Variants in EXOC4 observed in about 807,000 individuals in gnomAD.
EXOC4 encodes the protein SEC8-like 1.
In EXOC4, 71 loss-of-function variants were observed where a neutral mutation model predicts 107.2. That is an observed-to-expected ratio of 0.66 (90% CI 0.55 to 0.81). The LOEUF is 0.81. EXOC4 is among the 30% of genes least tolerant of loss of function. The pLI is 0.00. For synonymous variants in EXOC4, 456 were observed against 441.2 expected (o/e 1.03, Z -0.42); for missense variants, 1,108 against 1,189.6 (o/e 0.93, Z 1.01).
At chr7:134,005,113 G>C in intron 16 of EXOC4, 23 bp downstream of exon 16, 1 of 1,590,330 alleles carries the variant, frequency 6.3e-7, no homozygotes, top group Non-Finnish European at 8.6e-7. Context: ...TTCTGTCTCT[G>C]GGAGTTTGGG....
At chr7:134,049,934 C>T (rs1304871989) in intron 17 of EXOC4, among the ~76,000 whole-genome samples, 2 of 152,154 alleles carry the variant, frequency 1.3e-5, no homozygotes, top group African/African-American at 4.8e-5. Flanking sequence ...TTAATAAATA[C>T]TAATAATGGT....
rs112776262 is a variant in EXOC4, at chr7:133,726,247, G to A, written c.1515-91078G>A. ...CTTCAGTATGTGGTAAAACACATAC[G>A]GAAAACTGAGAAAAGAAGACTGCAG... is the stretch of plus-strand genomic sequence containing the variant. On this transcript the variant is annotated intron_variant, in intron 10 of 17. Transcript: ENST00000253861. 4.7e-3 allele frequency among the ~76,000 whole-genome samples: 713 copies of A among 152,252 alleles called. 3 individuals are homozygous for A. The highest frequency in any genetic ancestry group is 7.5e-3 in the Non-Finnish European group (513 of 68,012).
intron 9 of EXOC4, among the ~76,000 whole-genome samples, chr7:133,604,588 A>G (rs1308354032): frequency 6.6e-6 from 1 of 151,864 alleles, no homozygotes; most frequent in African/African-American, 2.4e-5. Context: ...CTGTAATTAA[A>G]ATGATCTTTT....
intron 11 of EXOC4, among the ~76,000 whole-genome samples, chr7:133,820,849 C>A (rs1395413964): frequency 6.6e-6 from 1 of 152,162 alleles, no homozygotes; most frequent in Admixed American, 6.5e-5. Context: ...AAGAGAACCC[C>A]AGGACACTTT....
chr7:133,985,419 C>T (rs1252141106), intron 14 of EXOC4, among the ~76,000 whole-genome samples: 1 of 152,160 alleles, frequency 6.6e-6, no homozygotes, highest in Non-Finnish European at 1.5e-5. Context: ...TCCACAAGCC[C>T]AGCTGCTGAA....
chr7:133,350,882 A>G (rs1469722614), intron 5 of EXOC4, among the ~76,000 whole-genome samples: 2 of 151,942 alleles, frequency 1.3e-5, no homozygotes, highest in East Asian at 1.9e-4. Flanking sequence ...TAATTTAGCA[A>G]CAATTTCATA....
At chr7:133,298,826 T>A (rs1794579802) in intron 3 of EXOC4, among the ~76,000 whole-genome samples, 1 of 152,214 alleles carries the variant, frequency 6.6e-6, no homozygotes, top group Non-Finnish European at 1.5e-5. Flanking sequence ...ATTATAACTG[T>A]TTTGTGTTAC....
chr7:133,789,364 CTT>C (rs1796656145), intron 10 of EXOC4, among the ~76,000 whole-genome samples: 2 of 152,164 alleles, frequency 1.3e-5, no homozygotes, highest in Admixed American at 1.3e-4. Flanking sequence ...GCTGATGTTT[CTT>C]GAGTTCTATG....
chr7:133,295,716 C>T (rs1563006707), intron 3 of EXOC4, among the ~76,000 whole-genome samples: 1 of 152,104 alleles, frequency 6.6e-6, no homozygotes, highest in Non-Finnish European at 1.5e-5. Flanking sequence ...CTTATTTTCT[C>T]TTCTTTATGC....
At chr7:133,547,280 T>G (rs932726452) in intron 9 of EXOC4, among the ~76,000 whole-genome samples, 3 of 152,224 alleles carry the variant, frequency 2.0e-5, no homozygotes, top group African/African-American at 7.2e-5. Context: ...AATATATATC[T>G]TAATTTATTG....
intron 9 of EXOC4, among the ~76,000 whole-genome samples, chr7:133,592,253 A>T (rs138732966): frequency 1.4e-3 from 220 of 152,106 alleles, no homozygotes; most frequent in Non-Finnish European, 2.5e-3. Context: ...TTCTGTATAG[A>T]TGGGGTCTTG....
intron 9 of EXOC4, among the ~76,000 whole-genome samples, chr7:133,579,490 T>C (rs1016687136): frequency 2.6e-5 from 4 of 152,160 alleles, no homozygotes; most frequent in African/African-American, 9.7e-5. Flanking sequence ...AATTGACTTT[T>C]AGACTTAAAA....
rs1381342832 is a variant in EXOC4, at chr7:133,859,465, C to T, written c.1735-36134C>T. Among the ~76,000 whole-genome samples, 3 of 152,156 alleles carry T rather than the reference C, an allele frequency of 2.0e-5. No homozygotes were observed. The East Asian group carries it at 5.8e-4, about 29-fold the overall frequency. On this transcript the variant is annotated intron_variant, in intron 11 of 17. Transcript: ENST00000253861. ...GATGAGTGTCTCTTGGATCCTGGTA[C>T]CCACACTGGAACTGCTGCAGCGCCT...
At chr7:133,709,895 A>C (rs1240893651) in intron 10 of EXOC4, among the ~76,000 whole-genome samples, 1 of 152,200 alleles carries the variant, frequency 6.6e-6, no homozygotes, top group Non-Finnish European at 1.5e-5. Flanking sequence ...TGTAGGCATT[A>C]GCTAGACTGC....
At chr7:133,584,825 C>T (rs539407446) in intron 9 of EXOC4, among the ~76,000 whole-genome samples, 2 of 152,152 alleles carry the variant, frequency 1.3e-5, no homozygotes, top group South Asian at 2.1e-4. Context: ...GCGATCTGCC[C>T]GTCTTGGCCT....
chr7:133,855,099 A>ATAAATATATC (rs1563028469), intron 11 of EXOC4, among the ~76,000 whole-genome samples: 13 of 91,064 alleles, frequency 1.4e-4, no homozygotes, highest in African/African-American at 7.4e-4. Context: ...ATAAATATAT[A>ATAAATATATC]TATAAATATA....
chr7:133,845,335 AGTGTGTGTGTGTGT>A lies in EXOC4; in HGVS notation c.1734+27812_1734+27825del, dbSNP rs34845137. On this transcript the variant is annotated intron_variant, in intron 11 of 17. Coordinates refer to ENST00000253861, the MANE Select transcript of EXOC4 (RefSeq NM_021807.4). ...CAACTAGCATGATAGGCAGGTTAGT[AGTGTGTGTGTGTGT>A]GTGTGTGTGTGTGTGTGTGTAAAAT... Among the ~76,000 whole-genome samples the A allele has an allele frequency of 1.7e-3, 240 of 138,028 alleles. 1 individual carries two copies. The highest frequency in any genetic ancestry group is 6.0e-3 in the African/African-American group (220 of 36,504). The allele number at this position is 138,028 out of a possible 152,430, so 90.6% of individuals were successfully genotyped here. A position where few individuals can be genotyped will look rare whatever the true frequency, so the allele number is the denominator to read the frequency against.
At chr7:133,268,019 A>G (rs1361011289) in intron 1 of EXOC4, among the ~76,000 whole-genome samples, 3 of 152,230 alleles carry the variant, frequency 2.0e-5, no homozygotes, top group Non-Finnish European at 4.4e-5. Context: ...GTTGTGATTC[A>G]TAGATTATTT....
At chr7:133,754,281 A>G (rs888606852) in intron 10 of EXOC4, among the ~76,000 whole-genome samples, 18 of 152,232 alleles carry the variant, frequency 1.2e-4, no homozygotes, top group African/African-American at 4.3e-4. Flanking sequence ...GACTGAGAGC[A>G]GAAGCAGCTT....
Sources: allele counts gnomAD v4.1 joint callset (sites outside exome capture counted in the v4.1 genomes callset), GRCh38; gene constraint gnomAD v4.1.1; transcripts MANE v1.5; gene names NCBI Gene and HGNC (gene_info 2026-07-23, HGNC 2026-07-21).